MEIKIN: variants seen among roughly 807,000 people sequenced by gnomAD.
The protein encoded by MEIKIN is meiotic kinetochore factor.
chr5:131,825,099 C>T (rs1554102872), intron 11 of MEIKIN, among the ~76,000 whole-genome samples: 1 of 152,044 alleles, frequency 6.6e-6, no homozygotes, highest in Non-Finnish European at 1.5e-5. Context: ...ACTCAAGAGG[C>T]TAAGGTGGGA....
At chr5:131,890,422 G>C (rs1278975196) in intron 8 of MEIKIN, among the ~76,000 whole-genome samples, 1 of 152,162 alleles carries the variant, frequency 6.6e-6, no homozygotes, top group Non-Finnish European at 1.5e-5. Flanking sequence ...TCCTGGTTTA[G>C]TCTTGGGAGG....
At chr5:131,860,307 GGTTT>G (rs1022683892) in intron 9 of MEIKIN, among the ~76,000 whole-genome samples, 3 of 122,616 alleles carry the variant, frequency 2.4e-5, no homozygotes, top group African/African-American at 1.0e-4. Flanking sequence ...TGGTTTTGTT[GGTTT>G]GTTTTGCAGC....
chr5:131,834,946 C>G (rs1161285948), intron 11 of MEIKIN, among the ~76,000 whole-genome samples: 2 of 152,114 alleles, frequency 1.3e-5, no homozygotes, highest in Admixed American at 6.6e-5. Context: ...TCCCTACACT[C>G]TTGCCTATAC....
Position 131,815,559 on chromosome 5 carries a change from G to T in MEIKIN, c.1099+3181C>A, listed in dbSNP as rs186863783. ...ACAGGAGACTAATTCTATTAAACTG[G>T]AAGTTAAGACTGCCCCCAGTCACTT... is the stretch of plus-strand genomic sequence containing the variant. On this transcript the variant is annotated intron_variant, in intron 12 of 12. Coordinates refer to ENST00000442687, the MANE Select transcript of MEIKIN (RefSeq NM_001303622.2). Among the ~76,000 whole-genome samples, 243 of 152,288 alleles carry T rather than the reference G, an allele frequency of 1.6e-3. 1 individual carries two copies. Among genetic ancestry groups the T allele is most frequent in the Middle Eastern group, 3.4e-3 (1 of 294 alleles).
intron 4 of MEIKIN, among the ~76,000 whole-genome samples, chr5:131,937,791 T>C (rs1751805211): frequency 6.6e-6 from 1 of 152,194 alleles, no homozygotes; most frequent in Non-Finnish European, 1.5e-5. Context: ...GATTATTTTT[T>C]CTCTGGAAAA....
chr5:131,922,257 G>A (rs952156033), intron 5 of MEIKIN, among the ~76,000 whole-genome samples: 7 of 152,144 alleles, frequency 4.6e-5, no homozygotes, highest in East Asian at 1.9e-4. Flanking sequence ...ATTAAAAATC[G>A]CATCACTAAA....
chr5:131,885,131 C>G (rs1249353776), intron 8 of MEIKIN, among the ~76,000 whole-genome samples: 5 of 152,180 alleles, frequency 3.3e-5, no homozygotes, highest in Non-Finnish European at 7.3e-5. Flanking sequence ...AGGACATAAG[C>G]TTAGTTGGCT....
In MEIKIN at chr5:131,899,335, C is replaced by T. The variant is rs141454831; in HGVS notation, c.703+12480G>A. ...TAACCTCAAATCAAAAAACATACAA[C>T]AGATACACAAAAAATAATAAGAAAT... On this transcript the variant is annotated intron_variant, in intron 8 of 12. Coordinates refer to ENST00000442687, the MANE Select transcript of MEIKIN (RefSeq NM_001303622.2). Among the ~76,000 whole-genome samples the T allele has an allele frequency of 3.1e-3, 472 of 151,772 alleles. 1 individual carries two copies. The highest frequency in any genetic ancestry group is 0.011 in the African/African-American group (450 of 41,404).
Position 131,941,142 on chromosome 5 carries a change from C to CTTTTTTTTTTTT in MEIKIN, c.349+1481_349+1492dup, listed in dbSNP as rs397999274. Among the ~76,000 whole-genome samples the CTTTTTTTTTTTT allele has an allele frequency of 4.7e-4, 28 of 59,696 alleles. 2 individuals are homozygous for CTTTTTTTTTTTT. Among genetic ancestry groups the CTTTTTTTTTTTT allele is most frequent in the African/African-American group, 7.6e-4 (10 of 13,102 alleles). 39.2% of individuals were successfully genotyped at this position (59,696 alleles called of 152,430 possible). Reference sequence around the variant, plus strand: ...TTGACAATTCCTTCAAGATCTCTTCCTTTTTTTTTTTTTTTTTTTTTTTTT... The same window carrying CTTTTTTTTTTTT: ...TTGACAATTCCTTCAAGATCTCTTCCTTTTTTTTTTTTTTTTTTTTTTTTTTTTTTTTTTTTT... On this transcript the variant is annotated intron_variant, in intron 4 of 12. Transcript: ENST00000442687.
At chr5:131,903,037 AT>A (rs1736918115) in intron 8 of MEIKIN, among the ~76,000 whole-genome samples, 1 of 152,222 alleles carries the variant, frequency 6.6e-6, no homozygotes, top group African/African-American at 2.4e-5. Context: ...AGAATTGACC[AT>A]GCTGAGGAAA....
At chr5:131,874,806 G>T (rs976920870) in intron 9 of MEIKIN, among the ~76,000 whole-genome samples, 4 of 152,132 alleles carry the variant, frequency 2.6e-5, no homozygotes. Flanking sequence ...ATGATCAAGT[G>T]GGCTTCATCC....
Position 131,861,398 on chromosome 5 carries a change from AG to A in MEIKIN, c.775-6565del, listed in dbSNP as rs544964413. Among the ~76,000 whole-genome samples, 546 of 152,162 alleles carry A rather than the reference AG, an allele frequency of 3.6e-3. 2 individuals are homozygous for A. The highest frequency in any genetic ancestry group is 0.012 in the African/African-American group (512 of 41,538). The stretch of plus-strand genomic sequence containing the variant: ...GAGAGACTCTGTCTTCAAAAAAAAA[AG>A]AATAATGTAGTTCCCAAAGAAGAGG... On this transcript the variant is annotated intron_variant, in intron 9 of 12. Coordinates refer to ENST00000442687, the MANE Select transcript of MEIKIN (RefSeq NM_001303622.2).
At chr5:131,893,192 G>T (rs1423422780) in intron 8 of MEIKIN, among the ~76,000 whole-genome samples, 1 of 152,228 alleles carries the variant, frequency 6.6e-6, no homozygotes, top group African/African-American at 2.4e-5. Flanking sequence ...CCCAGAGGTG[G>T]AGCCTACAGA....
At position 131,830,229 on chromosome 5, in the gene MEIKIN, T is replaced by TA. The variant is rs377310057; in HGVS notation, c.976-11367dup. 5.4e-3 allele frequency among the ~76,000 whole-genome samples: 801 copies of TA among 147,416 alleles called. 10 individuals are homozygous for TA. Among genetic ancestry groups the TA allele is most frequent in the South Asian group, 0.029 (135 of 4,664 alleles). ...ATGTGGTGAAACCCCATCTCTACAATAAAAAAAAAATACAAAAATTATCCA... is the reference window on the plus strand; with the variant it reads ...ATGTGGTGAAACCCCATCTCTACAATAAAAAAAAAAATACAAAAATTATCCA... On this transcript the variant is annotated intron_variant, in intron 11 of 12. Transcript: ENST00000442687.
chr5:131,923,559 G>A (rs1293977503), intron 5 of MEIKIN, among the ~76,000 whole-genome samples: 1 of 136,764 alleles, frequency 7.3e-6, no homozygotes, highest in South Asian at 2.3e-4. Flanking sequence ...TTTTTTTCTG[G>A]TAAATCTCAA....
At chr5:131,872,248 G>GA (rs56315009) in intron 9 of MEIKIN, among the ~76,000 whole-genome samples, 117,425 of 151,582 alleles carry the variant, frequency 0.77, 45,685 homozygotes, top group Middle Eastern at 0.82. Context: ...TAAAAACTTC[G>GA]AAAAAAAATT....
intron 4 of MEIKIN, among the ~76,000 whole-genome samples, chr5:131,941,142 C>CT (rs397999274): frequency 0.054 from 3,208 of 59,748 alleles, 725 homozygotes; most frequent in African/African-American, 0.11. Flanking sequence ...AGATCTCTTC[C>CT]TTTTTTTTTT....
chr5:131,879,189 T>C (rs558564273), intron 8 of MEIKIN, 141 bp from the exon 9 acceptor site: 8 of 390,688 alleles, frequency 2.0e-5, no homozygotes, highest in Non-Finnish European at 3.6e-5. Context: ...CCTTTGTCAA[T>C]AATTAAACAA....
At chr5:131,833,198 G>T (rs183554866) in intron 11 of MEIKIN, among the ~76,000 whole-genome samples, 230 of 152,236 alleles carry the variant, frequency 1.5e-3, no homozygotes, top group Non-Finnish European at 1.9e-3. Flanking sequence ...AATTTCTTCT[G>T]CCAGATACCC....
Sources: gnomAD v4.1 joint callset for allele counts (sites outside exome capture counted in the v4.1 genomes callset) on GRCh38, gnomAD v4.1.1 for gene constraint, MANE v1.5 for transcripts, NCBI Gene and HGNC (gene_info 2026-07-23, HGNC 2026-07-21) for gene names.